Variants in RAPGEF5 observed in about 807,000 individuals in gnomAD.
The protein encoded by RAPGEF5 is Rap guanine nucleotide exchange factor 5, also known as M-Ras-regulated GEF.
Under a neutral mutation model 125.2 loss-of-function variants are expected in RAPGEF5, and 65 were observed. That is an observed-to-expected ratio of 0.52 (90% CI 0.43 to 0.64). The LOEUF (loss-of-function observed/expected upper bound fraction) is 0.64. Among genes scored for constraint, RAPGEF5 ranks in the 30% least tolerant of loss-of-function variants. The pLI is 0.00. For synonymous variants in RAPGEF5, 391 were observed against 385.9 expected, an observed-to-expected ratio of 1.01 and a Z score of -0.16; for missense variants, 958 against 1,048.1, an observed-to-expected ratio of 0.91 and a Z score of 1.19.
At chr7:22,316,670 GT>G (rs961311314) in intron 2 of RAPGEF5, among the ~76,000 whole-genome samples, 1 of 146,946 alleles carries the variant, frequency 6.8e-6, no homozygotes, top group African/African-American at 2.5e-5. Context: ...TTTGTTTTTT[GT>G]TTTTTTTTGT....
At chr7:22,290,328 T>C (rs551647473) in intron 6 of RAPGEF5, among the ~76,000 whole-genome samples, 66 of 152,340 alleles carry the variant, frequency 4.3e-4, no homozygotes, top group African/African-American at 1.6e-3. Context: ...TTTGGTGACG[T>C]AGGATTGCTA....
At chr7:22,136,558 A>C (rs115043240) in intron 22 of RAPGEF5, among the ~76,000 whole-genome samples, 2,012 of 152,270 alleles carry the variant, frequency 0.013, 42 homozygotes, top group Middle Eastern at 0.051. Context: ...AGAAACTATA[A>C]TTTTTAAAAA....
intron 9 of RAPGEF5, among the ~76,000 whole-genome samples, chr7:22,211,882 C>T (rs1359968050): frequency 6.6e-6 from 1 of 151,866 alleles, no homozygotes; most frequent in East Asian, 1.9e-4. Flanking sequence ...ACAGTCCACA[C>T]TTAGGCTCCA....
chr7:22,148,722 G>A (rs1583412595), intron 18 of RAPGEF5, among the ~76,000 whole-genome samples: 1 of 152,282 alleles, frequency 6.6e-6, no homozygotes, highest in East Asian at 1.9e-4. Context: ...CTTTTCTGAA[G>A]GTGGCCTTGG....
chr7:22,203,111 G>A (rs947465390), intron 9 of RAPGEF5, among the ~76,000 whole-genome samples: 1 of 152,066 alleles, frequency 6.6e-6, no homozygotes, highest in East Asian at 1.9e-4. Context: ...AATGCAAACC[G>A]CTGCCTATGG....
intron 11 of RAPGEF5, among the ~76,000 whole-genome samples, chr7:22,180,876 G>T (rs1244621807): frequency 6.6e-6 from 1 of 152,128 alleles, no homozygotes; most frequent in East Asian, 1.9e-4. Context: ...TGGTTTGTTT[G>T]GAAGAACAAA....
At chr7:22,222,176 G>T (rs956031570) in intron 8 of RAPGEF5, among the ~76,000 whole-genome samples, 1 of 152,182 alleles carries the variant, frequency 6.6e-6, no homozygotes, top group Admixed American at 6.5e-5. Context: ...GAACATGGAG[G>T]TGGAGGTTGC....
At chr7:22,193,307 G>T in intron 11 of RAPGEF5, 60 bp downstream of exon 11, 1 of 1,511,886 alleles carries the variant, frequency 6.6e-7, no homozygotes. Flanking sequence ...TGCCCCTGAG[G>T]GTACTGACAA....
intron 16 of RAPGEF5, 146 bp downstream of exon 16, chr7:22,156,664 G>T: frequency 1.5e-6 from 2 of 1,308,542 alleles, no homozygotes. Flanking sequence ...ATAAAGAAAA[G>T]AAAAACCATG....
chr7:22,130,623 C>T (rs565787196), intron 24 of RAPGEF5, among the ~76,000 whole-genome samples: 4 of 152,238 alleles, frequency 2.6e-5, no homozygotes, highest in African/African-American at 9.6e-5. Context: ...GAACTTTTTC[C>T]CTCTGTGCCT....
intron 2 of RAPGEF5, 104 bp downstream of exon 2, chr7:22,317,883 C>CT: frequency 6.8e-7 from 1 of 1,467,608 alleles, no homozygotes; most frequent in South Asian, 1.3e-5. Context: ...CTGCAAAACT[C>CT]TATGTGGTCA....
chr7:22,345,083 G>T (rs982105005), intron 1 of RAPGEF5, among the ~76,000 whole-genome samples: 1 of 152,212 alleles, frequency 6.6e-6, no homozygotes, highest in African/African-American at 2.4e-5. Context: ...CTGAGGCCCT[G>T]GAATATGTGT....
intron 6 of RAPGEF5, among the ~76,000 whole-genome samples, chr7:22,283,070 C>T (rs762975161): frequency 4.7e-5 from 7 of 150,334 alleles, no homozygotes; most frequent in Admixed American, 6.6e-5. Flanking sequence ...CACACACACA[C>T]GCATGAAAAA....
At chr7:22,129,987 C>A (rs1782865484) in intron 24 of RAPGEF5, among the ~76,000 whole-genome samples, 1 of 152,172 alleles carries the variant, frequency 6.6e-6, no homozygotes, top group Non-Finnish European at 1.5e-5. Context: ...CAGGACTCAT[C>A]AGTTCCTACC....
At chr7:22,309,291 T>G (rs986647417) in intron 4 of RAPGEF5, among the ~76,000 whole-genome samples, 23 of 152,194 alleles carry the variant, frequency 1.5e-4, no homozygotes, top group Non-Finnish European at 1.2e-4. Context: ...TACACCCACG[T>G]CCATATCTGT....
rs779084571 is a variant in RAPGEF5, at chr7:22,122,531, A to C, written c.2537-10T>G. Reference sequence around the variant, plus strand: ...TTTGGAGACAGGTCACCTGTTGTTTAGAGGGGGAAAAAAGACAATCTCAGG... The same window carrying C: ...TTTGGAGACAGGTCACCTGTTGTTTCGAGGGGGAAAAAAGACAATCTCAGG... On this transcript the variant is annotated splice_polypyrimidine_tract_variant and intron_variant, in intron 25 of 25. Transcript: ENST00000665637. 6 of 1,593,094 alleles carry C rather than the reference A, an allele frequency of 3.8e-6. No individual in the cohort carries two copies. In the African/African-American group the frequency reaches 8.1e-5, roughly 21 times the overall value.
chr7:22,240,845 T>C (rs1786313191), intron 7 of RAPGEF5, among the ~76,000 whole-genome samples: 1 of 152,036 alleles, frequency 6.6e-6, no homozygotes, highest in African/African-American at 2.4e-5. Flanking sequence ...ACACAATTTC[T>C]CTCAGAAATT....
chr7:22,166,101 T>C (rs1166082627), intron 12 of RAPGEF5, among the ~76,000 whole-genome samples: 2 of 147,778 alleles, frequency 1.4e-5, no homozygotes, highest in East Asian at 1.9e-4. Context: ...ATATATCATA[T>C]ATATATTTTA....
At chr7:22,261,664 T>G (rs1782158673) in intron 7 of RAPGEF5, among the ~76,000 whole-genome samples, 1 of 152,090 alleles carries the variant, frequency 6.6e-6, no homozygotes, top group African/African-American at 2.4e-5. Context: ...TAAAAATGGA[T>G]TTTACATATA....
Sources: allele counts gnomAD v4.1 joint callset (sites outside exome capture counted in the v4.1 genomes callset), GRCh38; gene constraint gnomAD v4.1.1; transcripts MANE v1.5; gene names NCBI Gene and HGNC (gene_info 2026-07-23, HGNC 2026-07-21).